TBC1D9B: variants seen among roughly 807,000 people sequenced by gnomAD.
TBC1D9B encodes TBC1 domain family member 9B.
Under a neutral mutation model 121.1 loss-of-function variants are expected in TBC1D9B, and 87 were observed. That is an observed-to-expected ratio of 0.72 (90% CI 0.60 to 0.86). The LOEUF is 0.86. Among genes scored for constraint, TBC1D9B ranks in the 40% least tolerant of loss-of-function variants. TBC1D9B has a pLI of 0.00. For missense variants in TBC1D9B, 1,540 were observed against 1,628.6 expected (o/e 0.95, Z 0.94); for synonymous variants, 668 against 670.1 (o/e 1.00, Z 0.05).
At chr5:179,876,281 G>C (rs1325414292) in intron 10 of TBC1D9B, among the ~76,000 whole-genome samples, 1 of 152,202 alleles carries the variant, frequency 6.6e-6, no homozygotes, top group African/African-American at 2.4e-5. Context: ...CCCAACTCTG[G>C]GAAATGTCAA....
At chr5:179,906,543 G>A (rs1463652496) in intron 1 of TBC1D9B, among the ~76,000 whole-genome samples, 1 of 152,200 alleles carries the variant, frequency 6.6e-6, no homozygotes, top group Non-Finnish European at 1.5e-5. Flanking sequence ...AAAAGGTGCC[G>A]GTCCCTCGCT....
intron 3 of TBC1D9B, 139 bp downstream of exon 3, chr5:179,899,050 G>C (rs1436185618): frequency 8.9e-6 from 6 of 672,540 alleles, no homozygotes; most frequent in Non-Finnish European, 1.5e-5. Flanking sequence ...TCAACTCCAA[G>C]AGAAGGAGCG....
At position 179,907,542 on chromosome 5, in the gene TBC1D9B, C is replaced by T. The variant is rs1041286154; in HGVS notation, c.118+162G>A. Among the ~76,000 whole-genome samples the T allele has an allele frequency of 1.3e-4, 20 of 149,096 alleles. No homozygotes were observed. Among genetic ancestry groups the T allele is most frequent in the Non-Finnish European group, 2.7e-4 (18 of 67,030 alleles). On this transcript the variant is annotated intron_variant, in intron 1 of 20. Coordinates refer to ENST00000355235, the MANE Select transcript of TBC1D9B (RefSeq NM_015043.4). The surrounding 1 kb of genome is among the most constrained non-coding windows in gnomAD (Gnocchi z 5.3). ...CCCCGGCCCCTCCGCGCCCGGCTCC[C>T]GGGTCCTGGCCTCGCGCCCCCGCCC...
Position 179,870,445 on chromosome 5 carries a change from G to T in TBC1D9B, c.2535C>A (p.Gly845=). The T allele has an allele frequency of 6.2e-7, 1 of 1,612,990 alleles. No homozygotes were observed. The change falls in exon 16 of 21, where the codon GGC becomes GGA. Residue 845 remains glycine, a synonymous_variant. Transcript: ENST00000355235. ...GGTAGGGCAGGCTGGGGTCCCGACG[G>T]CCGGCCATTGTGCGGCTGCACCCCC... ...QYWGCSRTMA[G]RRDPSLPYLE... is the part of the protein sequence containing the mutation.
intron 20 of TBC1D9B, among the ~76,000 whole-genome samples, chr5:179,864,985 T>C (rs1759965971): frequency 6.6e-6 from 1 of 152,216 alleles, no homozygotes. Context: ...AACGCATATC[T>C]TGTCAAAGGT....
intron 4 of TBC1D9B, 47 bp from the exon 5 acceptor site, chr5:179,893,514 C>T (rs766620034): frequency 5.2e-6 from 8 of 1,551,104 alleles, no homozygotes; most frequent in East Asian, 4.5e-5. Flanking sequence ...CCTGGCAGGG[C>T]GAGGCTCCTG....
At chr5:179,894,284 G>C in intron 4 of TBC1D9B, 102 bp downstream of exon 4, 5 of 1,143,862 alleles carry the variant, frequency 4.4e-6, no homozygotes, top group Non-Finnish European at 6.2e-6. Flanking sequence ...TGGGTTTCAG[G>C]GAGACCCCTC....
intron 6 of TBC1D9B, among the ~76,000 whole-genome samples, chr5:179,889,036 CT>C (rs111357925): frequency 8.9e-4 from 130 of 145,538 alleles, no homozygotes; most frequent in African/African-American, 9.9e-4. Context: ...TGAGTGTGCA[CT>C]TTTTTTTTTT....
chr5:179,867,745 C>T, intron 18 of TBC1D9B, 33 bp downstream of exon 18: 1 of 1,601,284 alleles, frequency 6.2e-7, no homozygotes, highest in Non-Finnish European at 8.5e-7. Context: ...AGAGTGCTGG[C>T]TGGGCATGTC....
Position 179,865,848 on chromosome 5 carries a change from C to T in TBC1D9B, c.2904G>A (p.Glu968=), listed in dbSNP as rs1308556276. Residue 968 remains glutamate, a synonymous_variant, in exon 19 of 21, where the codon GAG becomes GAA. Transcript: ENST00000355235. This position sits in a 1 kb window ranked among gnomAD's most constrained non-coding sequence, Gnocchi z 5.1. ...PQEEQEGSGS[E]ERGEEKGTSS... The stretch of plus-strand genomic sequence containing the variant: ...GAGAATGGCCTGTACCTCCTCTCTC[C>T]TCACTTCCACTTCCTTCTTGCTCTT... The T allele has an allele frequency of 3.1e-6, 5 of 1,609,948 alleles. No homozygotes were observed. Among genetic ancestry groups the T allele is most frequent in the African/African-American group, 2.7e-5 (2 of 74,834 alleles).
At position 179,890,078 on chromosome 5, in the gene TBC1D9B, AG is replaced by A. The variant is rs1346918342; in HGVS notation, c.1044+1300del. Among the ~76,000 whole-genome samples, 1 of 152,160 alleles carries A rather than the reference AG, an allele frequency of 6.6e-6. No individual in the cohort carries two copies. Among genetic ancestry groups the A allele is most frequent in the Admixed American group, 6.5e-5 (1 of 15,282 alleles). ...CTTTTACCTGGGCAAAGGGTGGAAG[AG>A]GGGTCACTTCCCGAGGGAAGCATGG... On this transcript the variant is annotated intron_variant, in intron 6 of 20. Transcript: ENST00000355235. This position sits in a 1 kb window ranked among gnomAD's most constrained non-coding sequence, Gnocchi z 5.0.
rs1403890222 is a variant in TBC1D9B at position 179,872,853 on chromosome 5, CCCAG to C, written c.2415+35_2415+38del. On this transcript the variant is annotated intron_variant, in intron 14 of 20. Transcript: ENST00000355235. ...TCTGTGGGGAAGGCACTGCTGCCCC[CCCAG>C]CCCAGCCCCTGCCCAGCCCTGCTGG... 3.9e-6 allele frequency: 6 copies of C among 1,527,128 alleles called. No homozygotes were observed. The Admixed American group carries it at 8.4e-5, about 21-fold the overall frequency. The allele number at this position is 1,527,128 out of a possible 1,614,324, so 94.6% of individuals were successfully genotyped here.
intron 3 of TBC1D9B, among the ~76,000 whole-genome samples, chr5:179,895,153 G>A (rs1440513836): frequency 6.6e-6 from 1 of 152,154 alleles, no homozygotes; most frequent in African/African-American, 2.4e-5. Flanking sequence ...GAACCACTGT[G>A]TCTGGCCTGA....
intron 3 of TBC1D9B, among the ~76,000 whole-genome samples, chr5:179,895,145 A>AC (rs1306041129): frequency 6.6e-6 from 1 of 152,148 alleles, no homozygotes; most frequent in African/African-American, 2.4e-5. Flanking sequence ...ACAGGTGTGA[A>AC]CCACTGTGTC....
intron 7 of TBC1D9B, among the ~76,000 whole-genome samples, chr5:179,881,261 C>A (rs1036553648): frequency 2.0e-5 from 3 of 152,190 alleles, no homozygotes; most frequent in Admixed American, 6.5e-5. Context: ...CAGTCCTCCC[C>A]TCTTCCCCGA....
At chr5:179,873,907 G>A (rs1165753230) in intron 12 of TBC1D9B, among the ~76,000 whole-genome samples, 2 of 152,160 alleles carry the variant, frequency 1.3e-5, no homozygotes, top group East Asian at 1.9e-4. Context: ...TGTAGGAAGC[G>A]GCAGGAAAAC....
Position 179,874,173 on chromosome 5 carries a change from C to T in TBC1D9B, c.2186+729G>A, listed in dbSNP as rs1388627228. On this transcript the variant is annotated intron_variant, in intron 12 of 20. Transcript: ENST00000355235. The surrounding 1 kb of genome is among the most constrained non-coding windows in gnomAD (Gnocchi z 4.3). ...AGGGCAGAGTGTAGCCAGGAGGGGC[C>T]GGGGCTTGAAGGCCAGGCTGGAGGC... Among the ~76,000 whole-genome samples the T allele has an allele frequency of 1.3e-5, 2 of 152,096 alleles. No homozygotes were observed. The highest frequency in any genetic ancestry group is 2.9e-5 in the Non-Finnish European group (2 of 68,020).
In TBC1D9B at chr5:179,873,144, A is replaced by G. The variant is rs751222674; in HGVS notation, c.2291T>C (p.Phe764Ser). The G allele has an allele frequency of 6.8e-6, 11 of 1,612,210 alleles. No individual in the cohort carries two copies. Among genetic ancestry groups the G allele is most frequent in the Non-Finnish European group, 8.5e-7 (1 of 1,179,266 alleles). The change falls in exon 13 of 21, where the codon TTT becomes TCT. Residue 764 changes from phenylalanine to serine, a missense_variant. Physicochemically the swap from Phe to Ser is radical, Grantham distance 155 (BLOSUM62 -2). Transcript: ENST00000355235. The stretch of plus-strand genomic sequence containing the variant: ...CTCATAGGACACTTTCAGGAGCTCA[A>G]AGATGTCCACCTCTGCAGGGGGGTC... ...SDDPPAEVDIFELLKVSYEKF... is the reference protein window; with the variant it reads ...SDDPPAEVDISELLKVSYEKF...
chr5:179,899,394 G>T (rs2113647419), intron 2 of TBC1D9B, 87 bp from the exon 3 acceptor site: 2 of 1,106,200 alleles, frequency 1.8e-6, no homozygotes, highest in Non-Finnish European at 2.7e-6. Flanking sequence ...GAAAGTGGGT[G>T]ACCTCATTTG....
Sources: allele counts gnomAD v4.1 joint callset (sites outside exome capture counted in the v4.1 genomes callset), GRCh38; gene constraint gnomAD v4.1.1; non-coding constraint Gnocchi (gnomAD v3.1); transcripts MANE v1.5; gene names NCBI Gene and HGNC (gene_info 2026-07-23, HGNC 2026-07-21).